The following ENTREP2 variants were observed in gnomAD, a reference collection of about 807,000 sequenced individuals.
The protein encoded by ENTREP2 is endosomal transmembrane epsin interactor 2, also known as protein ENTREP2.
At chr15:29,309,080 G>A in the ENTREP2 span, among the ~76,000 whole-genome samples, 1 of 152,236 alleles carries the variant, frequency 6.6e-6, no homozygotes, top group South Asian at 2.1e-4. Context: ...ATATAAATTG[G>A]TGTGCTTTTT....
At chr15:29,391,469 G>T in the ENTREP2 span, among the ~76,000 whole-genome samples, 1 of 152,092 alleles carries the variant, frequency 6.6e-6, no homozygotes, top group African/African-American at 2.4e-5. Context: ...ATCACCTCAT[G>T]AAAGAGAAAA....
At chr15:29,206,600 G>T in the ENTREP2 span, among the ~76,000 whole-genome samples, 33 of 152,044 alleles carry the variant, frequency 2.2e-4, 1 homozygote, top group Admixed American at 2.0e-3. Context: ...AACCCACAGG[G>T]ACAGAAACCA....
chr15:29,488,669 G>C, the ENTREP2 span, among the ~76,000 whole-genome samples: 3 of 152,138 alleles, frequency 2.0e-5, no homozygotes, highest in Admixed American at 2.0e-4. Context: ...CTTGAAATCA[G>C]CGAGAGAGGA....
the ENTREP2 span, among the ~76,000 whole-genome samples, chr15:29,191,573 AG>A: frequency 1.3e-5 from 2 of 152,194 alleles, no homozygotes; most frequent in South Asian, 2.1e-4. Context: ...TCGCAAGCAG[AG>A]GAAAAAGGTA....
chr15:29,561,955 T>C, the ENTREP2 span, among the ~76,000 whole-genome samples: 3 of 152,162 alleles, frequency 2.0e-5, no homozygotes, highest in East Asian at 3.9e-4. Flanking sequence ...GTGATCAAGG[T>C]GAATATCGCC....
the ENTREP2 span, among the ~76,000 whole-genome samples, chr15:29,152,531 A>C: frequency 6.6e-6 from 1 of 152,204 alleles, no homozygotes; most frequent in Non-Finnish European, 1.5e-5. Flanking sequence ...ACAGCATGTA[A>C]CCTTTCAGAA....
At chr15:29,238,706 C>T in the ENTREP2 span, among the ~76,000 whole-genome samples, 2 of 152,092 alleles carry the variant, frequency 1.3e-5, no homozygotes, top group African/African-American at 4.8e-5. Flanking sequence ...GCATCTGCTG[C>T]CGGGGAGGCC....
At chr15:29,556,917 T>G in the ENTREP2 span, among the ~76,000 whole-genome samples, 1 of 152,164 alleles carries the variant, frequency 6.6e-6, no homozygotes, top group African/African-American at 2.4e-5. Flanking sequence ...CCCAGAGCGC[T>G]CCATCCCATG....
the ENTREP2 span, among the ~76,000 whole-genome samples, chr15:29,325,778 C>T: frequency 5.3e-5 from 8 of 152,080 alleles, no homozygotes; most frequent in Non-Finnish European, 1.2e-4. Context: ...AATGCCAAAA[C>T]CAGATACATA....
the ENTREP2 span, among the ~76,000 whole-genome samples, chr15:29,548,237 T>G: frequency 6.6e-6 from 1 of 152,170 alleles, no homozygotes; most frequent in African/African-American, 2.4e-5. Context: ...GGCAGATATC[T>G]TGGGTCCAGG....
chr15:29,373,118 G>A, the ENTREP2 span, among the ~76,000 whole-genome samples: 1 of 151,394 alleles, frequency 6.6e-6, no homozygotes, highest in African/African-American at 2.4e-5. Context: ...GACAAACTGG[G>A]ATAAAATATT....
chr15:29,157,288 C>T, the ENTREP2 span, among the ~76,000 whole-genome samples: 5 of 152,230 alleles, frequency 3.3e-5, no homozygotes, highest in South Asian at 2.1e-4. Flanking sequence ...CTTCACCTTG[C>T]GGATGTCCTT....
At chr15:29,635,129 C>T in the ENTREP2 span, among the ~76,000 whole-genome samples, 1 of 152,278 alleles carries the variant, frequency 6.6e-6, no homozygotes, top group East Asian at 1.9e-4. Context: ...AGGCATGAGC[C>T]ACCGCACCCG....
chr15:29,504,125 G>T, the ENTREP2 span, among the ~76,000 whole-genome samples: 2 of 152,156 alleles, frequency 1.3e-5, no homozygotes, highest in Non-Finnish European at 2.9e-5. Context: ...GCAGTTTGAC[G>T]ATTATAGTGA....
the ENTREP2 span, among the ~76,000 whole-genome samples, chr15:29,577,041 T>G: frequency 6.6e-6 from 1 of 151,756 alleles, no homozygotes; most frequent in Admixed American, 6.6e-5. Flanking sequence ...TCTCCTGACC[T>G]CATGATCTGC....
At chr15:29,258,944 A>C in the ENTREP2 span, among the ~76,000 whole-genome samples, 2 of 152,222 alleles carry the variant, frequency 1.3e-5, no homozygotes, top group African/African-American at 4.8e-5. Flanking sequence ...GGCTATTCGA[A>C]TAATATTCCA....
the ENTREP2 span, among the ~76,000 whole-genome samples, chr15:29,444,162 AAGAC>A: frequency 3.6e-5 from 3 of 83,322 alleles, no homozygotes; most frequent in African/African-American, 4.3e-5. Flanking sequence ...GACAGAAAGA[AAGAC>A]AGACAAAGAA....
At chr15:29,588,085 T>C in the ENTREP2 span, among the ~76,000 whole-genome samples, 32 of 152,228 alleles carry the variant, frequency 2.1e-4, no homozygotes, top group Admixed American at 1.8e-3. Context: ...CGGCTAACAT[T>C]GAAAAAAGAC....
At chr15:29,206,061 A>G in the ENTREP2 span, among the ~76,000 whole-genome samples, 1 of 152,210 alleles carries the variant, frequency 6.6e-6, no homozygotes, top group Non-Finnish European at 1.5e-5. Flanking sequence ...ACAGGACGAC[A>G]TAACTGCCTT....
Sources: gnomAD v4.1 joint callset for allele counts (sites outside exome capture counted in the v4.1 genomes callset) on GRCh38, gnomAD v4.1.1 for gene constraint, MANE v1.5 for transcripts, NCBI Gene and HGNC (gene_info 2026-07-23, HGNC 2026-07-21) for gene names.